The following SLC7A9 variants were observed in gnomAD, a reference collection of about 807,000 sequenced individuals.
SLC7A9 encodes the protein solute carrier family 7 member 9.
In SLC7A9, 38 loss-of-function variants were observed where a neutral mutation model predicts 54.1. The observed-to-expected ratio is 0.70, with a 90% CI of 0.54 to 0.92. SLC7A9 has a LOEUF of 0.92. Ranked by LOEUF, SLC7A9 falls within the 40% of genes least tolerant of loss-of-function variation. SLC7A9 has a pLI of 0.00. For synonymous variants in SLC7A9, 264 were observed against 258.9 expected (o/e 1.02, Z -0.19); for missense variants, 537 against 636.1 (o/e 0.84, Z 1.68).
intron 9 of SLC7A9, among the ~76,000 whole-genome samples, chr19:32,855,700 T>C (rs1968607639): frequency 6.9e-6 from 1 of 145,840 alleles, no homozygotes; most frequent in Non-Finnish European, 1.5e-5. Context: ...AGACTCCGTC[T>C]CAAAAAAAAA....
chr19:32,865,232 G>A lies in SLC7A9; in HGVS notation c.88-456C>T, dbSNP rs959013362. On this transcript the variant is annotated intron_variant, in intron 2 of 12. Coordinates refer to ENST00000023064, the MANE Select transcript of SLC7A9 (RefSeq NM_014270.5). Reference sequence around the variant, plus strand: ...AGAGGCTCCATGCAGGGTGAGCAACGGAGGCCTCCCAGAAACAGAAACATT... The same window carrying A: ...AGAGGCTCCATGCAGGGTGAGCAACAGAGGCCTCCCAGAAACAGAAACATT... 7.9e-5 allele frequency among the ~76,000 whole-genome samples: 12 copies of A among 152,274 alleles called. No individual in the cohort carries two copies. In the South Asian group the frequency reaches 2.1e-3, roughly 26 times the overall value.
In SLC7A9 at chr19:32,843,911, C is replaced by G. The variant is rs1196437991; in HGVS notation, c.1018G>C (p.Val340Leu). 1 of 1,613,836 alleles carries G rather than the reference C, an allele frequency of 6.2e-7. No homozygotes were observed. Among genetic ancestry groups the G allele is most frequent in the African/African-American group, 1.3e-5 (1 of 74,896 alleles). Residue 340 changes from valine to leucine, a missense_variant, in exon 10 of 13, where the codon GTG becomes CTG. Physicochemically the swap from Val to Leu is conservative, Grantham distance 32. Transcript: ENST00000023064. ...CGCCTGACGCTGATGTAAGAAAGCA[C>G]TTTGAGCATGTGACCCTCCCGGCCC... ...VAGREGHMLKVLSYISVRRLT... is the reference protein window; with the variant it reads ...VAGREGHMLKLLSYISVRRLT...
At chr19:32,850,412 T>G (rs1210760951) in intron 9 of SLC7A9, among the ~76,000 whole-genome samples, 1 of 150,196 alleles carries the variant, frequency 6.7e-6, no homozygotes, top group Admixed American at 6.6e-5. Context: ...AAATCATGAG[T>G]GAACTCCCAT....
rs373296616 is a variant in SLC7A9, at chr19:32,836,492, G to A, written c.1225-3169C>T. 2.2e-4 allele frequency among the ~76,000 whole-genome samples: 33 copies of A among 152,168 alleles called. 1 individual carries two copies. The highest frequency in any genetic ancestry group is 7.9e-4 in the African/African-American group (33 of 41,524). ...GCTTTTTGGTTGTTTTGATTTCTGG[G>A]GTTTTCTTTTTGAAATATCAAGGTT... On this transcript the variant is annotated intron_variant, in intron 11 of 12. Coordinates refer to ENST00000023064, the MANE Select transcript of SLC7A9 (RefSeq NM_014270.5).
intron 11 of SLC7A9, among the ~76,000 whole-genome samples, chr19:32,833,677 AATCCCAGCTCCTCAG>A (rs1320431694): frequency 6.6e-6 from 1 of 152,068 alleles, no homozygotes; most frequent in African/African-American, 2.4e-5. Context: ...AGGTGCCTGT[AATCCCAGCTCCTCAG>A]GAGCTGAGGC....
intron 11 of SLC7A9, among the ~76,000 whole-genome samples, chr19:32,834,459 G>A (rs1484401706): frequency 6.6e-6 from 1 of 151,996 alleles, no homozygotes; most frequent in Non-Finnish European, 1.5e-5. Flanking sequence ...GTGAAACCCC[G>A]TCTCTACTAA....
At chr19:32,854,392 C>A (rs1968558219) in intron 9 of SLC7A9, among the ~76,000 whole-genome samples, 1 of 152,086 alleles carries the variant, frequency 6.6e-6, no homozygotes, top group Non-Finnish European at 1.5e-5. Context: ...GATCAAAATC[C>A]CAACAGCTTT....
At chr19:32,855,513 C>A (rs886120017) in intron 9 of SLC7A9, among the ~76,000 whole-genome samples, 1 of 152,222 alleles carries the variant, frequency 6.6e-6, no homozygotes, top group Admixed American at 6.5e-5. Context: ...TCCTGGCAAA[C>A]ACGGTGAAAC....
intron 10 of SLC7A9, 77 bp from the exon 11 acceptor site, chr19:32,842,394 G>A: frequency 7.0e-7 from 1 of 1,429,116 alleles, no homozygotes; most frequent in Non-Finnish European, 9.8e-7. Context: ...CGAAGAAGCA[G>A]TTTTTCTTGT....
chr19:32,858,389 T>C lies in SLC7A9; in HGVS notation c.977+51A>G, dbSNP rs2287880. On this transcript the variant is annotated intron_variant, in intron 9 of 12. Transcript: ENST00000023064. ...CTGTGTGTCTTCCTCGGGGGTGATA[T>C]TGCTTTCGCCGCCCCTGTCCACCCT... The C allele has an allele frequency of 0.14, 183,331 of 1,303,246 alleles. 13,580 individuals are homozygous for C. Among genetic ancestry groups the C allele is most frequent in the Middle Eastern group, 0.19 (961 of 5,156 alleles). The allele number at this position is 1,303,246 out of a possible 1,614,324, so 80.7% of individuals were successfully genotyped here.
At chr19:32,866,292 CTCA>C (rs756653770) in intron 2 of SLC7A9, among the ~76,000 whole-genome samples, 9 of 152,190 alleles carry the variant, frequency 5.9e-5, no homozygotes, top group East Asian at 3.9e-4. Flanking sequence ...AGCTCTCCTC[CTCA>C]TCTCAGCCCT....
chr19:32,841,464 A>G (rs536944027), intron 11 of SLC7A9, among the ~76,000 whole-genome samples: 5 of 152,216 alleles, frequency 3.3e-5, no homozygotes, highest in African/African-American at 1.2e-4. Flanking sequence ...AGTGGCTCAC[A>G]CCTGTAATCC....
chr19:32,847,816 G>A (rs962891529), intron 9 of SLC7A9, among the ~76,000 whole-genome samples: 3 of 152,138 alleles, frequency 2.0e-5, no homozygotes, highest in Admixed American at 6.6e-5. Flanking sequence ...AAGGGAAGCC[G>A]GTCAGACTAA....
chr19:32,836,551 A>G (rs1967964712), intron 11 of SLC7A9, among the ~76,000 whole-genome samples: 1 of 152,120 alleles, frequency 6.6e-6, no homozygotes, highest in Non-Finnish European at 1.5e-5. Context: ...CAGTTTTCAG[A>G]CAGGTCCCAT....
intron 3 of SLC7A9, 118 bp from the exon 4 acceptor site, chr19:32,864,456 C>T (rs1390225443): frequency 3.9e-6 from 6 of 1,527,176 alleles, no homozygotes; most frequent in South Asian, 1.1e-5. Context: ...GGTCCGCCCT[C>T]GCTGGACGGC....
chr19:32,845,553 C>A (rs1451089054), intron 9 of SLC7A9, among the ~76,000 whole-genome samples: 1 of 152,072 alleles, frequency 6.6e-6, no homozygotes, highest in East Asian at 1.9e-4. Context: ...ACATAGCAGA[C>A]AAAAATTGGC....
rs1968771270 is a variant in SLC7A9, at chr19:32,860,608, G to A, written c.747C>T (p.Tyr249=). The change falls in exon 7 of 13, where the codon TAC becomes TAT. Residue 249 remains tyrosine (Y), a splice_region_variant and synonymous_variant. Transcript: ENST00000023064. ...CTCTGCACTGATTCAGCTGTTACCT[G>A]TAAGGGTTTCTAAGTTCTTCTGTGA... The part of the protein sequence containing the change: ...NYITEELRNP[Y]RNLPLAIIIG... 2 of 1,614,040 alleles carry A rather than the reference G, an allele frequency of 1.2e-6. No homozygotes were observed. Among genetic ancestry groups the A allele is most frequent in the East Asian group, 2.2e-5 (1 of 44,898 alleles).
At chr19:32,867,466 A>T (rs898593093) in intron 2 of SLC7A9, among the ~76,000 whole-genome samples, 3 of 151,932 alleles carry the variant, frequency 2.0e-5, no homozygotes, top group Non-Finnish European at 2.9e-5. Flanking sequence ...GCAGTGAGCT[A>T]TGATTGCACC....
At position 32,858,547 on chromosome 19, in the gene SLC7A9, G is replaced by A. The variant is rs1321654144; in HGVS notation, c.874-4C>T. The A allele has an allele frequency of 3.7e-6, 6 of 1,608,328 alleles. No homozygotes were observed. On this transcript the variant is annotated splice_region_variant and splice_polypyrimidine_tract_variant and intron_variant, in intron 8 of 12. Coordinates refer to ENST00000023064, the MANE Select transcript of SLC7A9 (RefSeq NM_014270.5). ...AGAGAACACGGTCACCAAATGTCTGGTGAGAGAAGCGAGATGAGTCCTGAG... is the reference window on the plus strand; with the variant it reads ...AGAGAACACGGTCACCAAATGTCTGATGAGAGAAGCGAGATGAGTCCTGAG...
Sources: allele counts gnomAD v4.1 joint callset (sites outside exome capture counted in the v4.1 genomes callset), GRCh38; gene constraint gnomAD v4.1.1; transcripts MANE v1.5; gene names NCBI Gene and HGNC (gene_info 2026-07-23, HGNC 2026-07-21).